THEM6: variants seen among roughly 807,000 people sequenced by gnomAD.
THEM6 encodes the protein thioesterase superfamily member 6, also known as protein THEM6.
A neutral mutation model predicts 13.7 loss-of-function variants in THEM6; 10 were observed. The ratio of observed to expected loss-of-function variants is 0.73; its 90% CI spans 0.45 to 1.24. THEM6 has a LOEUF of 1.24. Ranked by LOEUF, THEM6 falls within the 50% of genes most tolerant of loss-of-function variation. THEM6 has a pLI of 0.00. For missense variants in THEM6, 317 were observed against 312.6 expected (o/e 1.01, Z -0.11); for synonymous variants, 161 against 156.0 (o/e 1.03, Z -0.24).
chr8:142,736,730 C>G lies in THEM6; in HGVS notation c.*1291C>G, dbSNP rs1352420585. Reference sequence around the variant, plus strand: ...TGCCCGCTTGCCTGTTCCCCTACATCTGTGCCTGCACATCCAGAACTGCCT... The same window carrying G: ...TGCCCGCTTGCCTGTTCCCCTACATGTGTGCCTGCACATCCAGAACTGCCT... On this transcript the variant is annotated 3_prime_UTR_variant, in exon 2 of 2. Coordinates refer to ENST00000336138, the MANE Select transcript of THEM6 (RefSeq NM_016647.3). 6.6e-6 allele frequency: 1 copy of G among 152,454 alleles called. No homozygotes were observed. The highest frequency in any genetic ancestry group is 1.5e-5 in the Non-Finnish European group (1 of 68,224). 9.4% of individuals were successfully genotyped at this position (152,454 alleles called of 1,614,324 possible). A position where few individuals can be genotyped will look rare whatever the true frequency, so the allele number is the denominator to read the frequency against.
chr8:142,732,652 T>C (rs2129998749), intron 1 of THEM6, among the ~76,000 whole-genome samples: 1 of 152,008 alleles, frequency 6.6e-6, no homozygotes, highest in Admixed American at 6.5e-5. Flanking sequence ...CCTTGGTCTG[T>C]GCACAGAGTT....
At chr8:142,730,037 A>G (rs1259227161) in intron 1 of THEM6, among the ~76,000 whole-genome samples, 2 of 152,248 alleles carry the variant, frequency 1.3e-5, no homozygotes, top group African/African-American at 4.8e-5. Flanking sequence ...CAGAACAAGC[A>G]TTCAAGGCGG....
At position 142,735,640 on chromosome 8, in the gene THEM6, T is replaced by G. The variant is rs1563823857; in HGVS notation, c.*201T>G. The G allele has an allele frequency of 1.7e-6, 1 of 573,040 alleles. No individual in the cohort carries two copies. Among genetic ancestry groups the G allele is most frequent in the Non-Finnish European group, 3.2e-6 (1 of 316,904 alleles). 35.5% of individuals were successfully genotyped at this position (573,040 alleles called of 1,614,324 possible). On this transcript the variant is annotated 3_prime_UTR_variant, in exon 2 of 2. Coordinates refer to ENST00000336138, the MANE Select transcript of THEM6 (RefSeq NM_016647.3). ...CGCTAGGCAGAAGGAGGAGTGGCATTGGCATCCTGACCCAGCTCTGCCCTC... is the reference window on the plus strand; with the variant it reads ...CGCTAGGCAGAAGGAGGAGTGGCATGGGCATCCTGACCCAGCTCTGCCCTC...
rs782198913 is a variant in THEM6 at position 142,727,520 on chromosome 8, C to T, written c.174C>T (p.Asp58=). 10 of 1,579,404 alleles carry T rather than the reference C, an allele frequency of 6.3e-6. No individual in the cohort carries two copies. In the African/African-American group the frequency reaches 9.7e-5, roughly 15 times the overall value. Residue 58 remains aspartate (D), a synonymous_variant, in exon 1 of 2, where the codon GAC becomes GAT. Transcript: ENST00000336138. The part of the protein sequence containing the change: ...QRFPGRVLPS[D]LDLLLHMNNA... The stretch of plus-strand genomic sequence containing the variant: ...TCCCGGGCCGCGTGCTGCCCTCGGA[C>T]TTGGACCTGCTGCTGCACATGAACA...
Position 142,727,504 on chromosome 8 carries a change from G to A in THEM6, c.158G>A (p.Arg53His), listed in dbSNP as rs1554642451. The change falls in exon 1 of 2, where the codon CGC becomes CAC. Residue 53 changes from arginine (R) to histidine (H), a missense_variant. By Grantham distance (29) the Arg-to-His change is conservative (BLOSUM62 0). Coordinates refer to ENST00000336138, the MANE Select transcript of THEM6 (RefSeq NM_016647.3). ...CTAGCTGAGCAGCGCTTCCCGGGCC[G>A]CGTGCTGCCCTCGGACTTGGACCTG... ...DLLAEQRFPG[R>H]VLPSDLDLLL... The A allele has an allele frequency of 1.3e-6, 2 of 1,578,832 alleles. No homozygotes were observed. Among genetic ancestry groups the A allele is most frequent in the East Asian group, 2.3e-5 (1 of 42,822 alleles).
Position 142,727,872 on chromosome 8 carries a change from C to T in THEM6, c.513+13C>T, listed in dbSNP as rs1351978278. 8 of 1,390,726 alleles carry T rather than the reference C, an allele frequency of 5.8e-6. No homozygotes were observed. In the Admixed American group the frequency reaches 2.8e-4, roughly 49 times the overall value. 86.1% of individuals were successfully genotyped at this position (1,390,726 alleles called of 1,614,324 possible). On this transcript the variant is annotated intron_variant, in intron 1 of 1. Transcript: ENST00000336138. Reference sequence around the variant, plus strand: ...GTGCCAGCGCAGGGTGAGCGGCCCCCGCCCCTGGCCCCGGAGCACGGCCTT... The same window carrying T: ...GTGCCAGCGCAGGGTGAGCGGCCCCTGCCCCTGGCCCCGGAGCACGGCCTT...
At chr8:142,729,840 G>C (rs1360269209) in intron 1 of THEM6, among the ~76,000 whole-genome samples, 1 of 152,228 alleles carries the variant, frequency 6.6e-6, no homozygotes, top group Non-Finnish European at 1.5e-5. Context: ...CTCCTGAGCA[G>C]TTGAATGTGT....
chr8:142,727,901 G>A, intron 1 of THEM6, 42 bp downstream of exon 1: 1 of 1,375,398 alleles, frequency 7.3e-7, no homozygotes, highest in Non-Finnish European at 9.3e-7. Flanking sequence ...CGGCCTTTGT[G>A]GGACCTCCGG....
At chr8:142,728,292 CAGCTT>C (rs1455745381) in intron 1 of THEM6, among the ~76,000 whole-genome samples, 1 of 152,238 alleles carries the variant, frequency 6.6e-6, no homozygotes, top group African/African-American at 2.4e-5. Flanking sequence ...CCCTTTCACA[CAGCTT>C]AGAGCTGAAG....
chr8:142,731,307 A>G (rs1250194756), intron 1 of THEM6, among the ~76,000 whole-genome samples: 2 of 152,164 alleles, frequency 1.3e-5, no homozygotes, highest in Non-Finnish European at 2.9e-5. Context: ...AACAAAATAT[A>G]TTTTTTAACC....
rs993213596 is a variant in THEM6, at chr8:142,735,546, C to T, written c.*107C>T. The T allele has an allele frequency of 6.0e-6, 5 of 839,564 alleles. No homozygotes were observed. The Admixed American group carries it at 1.0e-4, about 17-fold the overall frequency. The allele number at this position is 839,564 out of a possible 1,614,324, so 52.0% of individuals were successfully genotyped here. Reference sequence around the variant, plus strand: ...GTTCCAGCTGGAGTAGCCTCCTGACCAGCCTGGCCCACCCTGCTCCACCCA... The same window carrying T: ...GTTCCAGCTGGAGTAGCCTCCTGACTAGCCTGGCCCACCCTGCTCCACCCA... On this transcript the variant is annotated 3_prime_UTR_variant, in exon 2 of 2. Coordinates refer to ENST00000336138, the MANE Select transcript of THEM6 (RefSeq NM_016647.3).
At chr8:142,733,751 G>A (rs777230930) in intron 1 of THEM6, among the ~76,000 whole-genome samples, 82 of 152,344 alleles carry the variant, frequency 5.4e-4, no homozygotes, top group Admixed American at 2.5e-3. Context: ...CCAAGGATAA[G>A]GACTCACCAG....
chr8:142,729,217 A>G (rs1187675349), intron 1 of THEM6, among the ~76,000 whole-genome samples: 1 of 152,096 alleles, frequency 6.6e-6, no homozygotes, highest in East Asian at 1.9e-4. Flanking sequence ...AAACATTATT[A>G]ATTTGTTCCC....
At chr8:142,730,869 T>C (rs1815633027) in intron 1 of THEM6, among the ~76,000 whole-genome samples, 2 of 151,892 alleles carry the variant, frequency 1.3e-5, no homozygotes, top group African/African-American at 4.8e-5. Context: ...CTCAGCCTCC[T>C]GAGTAGCTGG....
In THEM6 at chr8:142,727,864, G is replaced by A. The variant is rs1211946512; in HGVS notation, c.513+5G>A. ...CAGCACCTGTGCCAGCGCAGGGTGA[G>A]CGGCCCCCGCCCCTGGCCCCGGAGC... On this transcript the variant is annotated splice_donor_5th_base_variant and intron_variant, in intron 1 of 1. Transcript: ENST00000336138. The A allele has an allele frequency of 1.4e-6, 2 of 1,398,752 alleles. No individual in the cohort carries two copies. The highest frequency in any genetic ancestry group is 1.8e-6 in the Non-Finnish European group (2 of 1,085,690). 86.6% of individuals were successfully genotyped at this position (1,398,752 alleles called of 1,614,324 possible). A position where few individuals can be genotyped will look rare whatever the true frequency, so the allele number is the denominator to read the frequency against.
intron 1 of THEM6, among the ~76,000 whole-genome samples, chr8:142,733,484 A>C (rs1417276930): frequency 6.6e-6 from 1 of 152,226 alleles, no homozygotes; most frequent in African/African-American, 2.4e-5. Flanking sequence ...AAACATCTAG[A>C]GGCTCGGAAT....
At chr8:142,734,296 C>G (rs748168019) in intron 1 of THEM6, among the ~76,000 whole-genome samples, 17 of 152,174 alleles carry the variant, frequency 1.1e-4, no homozygotes, top group Non-Finnish European at 1.5e-4. Flanking sequence ...TTTCATGCAT[C>G]TAGAGTCCAG....
intron 1 of THEM6, among the ~76,000 whole-genome samples, chr8:142,733,789 G>A (rs1400255111): frequency 2.6e-5 from 4 of 152,176 alleles, no homozygotes; most frequent in African/African-American, 7.2e-5. Flanking sequence ...CAAGGTGGTC[G>A]GGGCACAGCT....
intron 1 of THEM6, among the ~76,000 whole-genome samples, chr8:142,729,095 C>T (rs587697053): frequency 2.6e-5 from 4 of 151,860 alleles, no homozygotes; most frequent in Non-Finnish European, 5.9e-5. Context: ...CCAGCCACCA[C>T]GCCCGGCTAA....
Sources: allele counts gnomAD v4.1 joint callset (sites outside exome capture counted in the v4.1 genomes callset), GRCh38; gene constraint gnomAD v4.1.1; transcripts MANE v1.5; gene names NCBI Gene and HGNC (gene_info 2026-07-23, HGNC 2026-07-21).